The following SEMA3A variants were observed in gnomAD, a reference collection of about 807,000 sequenced individuals.
The protein encoded by SEMA3A is semaphorin-3A.
A neutral mutation model predicts 97.9 loss-of-function variants in SEMA3A; 29 were observed. The ratio of observed to expected loss-of-function variants is 0.30; its 90% CI spans 0.22 to 0.40. SEMA3A has a LOEUF of 0.40. Ranked by LOEUF, SEMA3A falls within the 10% of genes least tolerant of loss-of-function variation. The pLI, the probability that SEMA3A is intolerant of heterozygous loss-of-function variation, is 1.00. For missense variants in SEMA3A, 763 were observed against 951.3 expected, an observed-to-expected ratio of 0.80 and a Z score of 2.60; for synonymous variants, 321 against 323.7, an observed-to-expected ratio of 0.99 and a Z score of 0.09.
chr7:84,283,680 G>C (rs1358030194), intron 3 of SEMA3A, among the ~76,000 whole-genome samples: 1 of 151,972 alleles, frequency 6.6e-6, no homozygotes, highest in East Asian at 1.9e-4. Flanking sequence ...CATAGTAAAA[G>C]TGTTGTTAAA....
At position 84,341,883 on chromosome 7, in the gene SEMA3A, G is replaced by C. The variant is rs545030549; in HGVS notation, c.-169+29941C>G. 2.6e-5 allele frequency among the ~76,000 whole-genome samples: 4 copies of C among 151,682 alleles called. No individual in the cohort carries two copies. In the South Asian group the frequency reaches 8.3e-4, roughly 31 times the overall value. ...TTTTTAACTAAAATCTTCTGGTGCT[G>C]CTTTTAGGAGTTTATGCCCCTCACG... On this transcript the variant is annotated intron_variant, in intron 2 of 3. Coordinates refer to the SEMA3A transcript ENST00000424555.
Position 84,440,351 on chromosome 7 carries a change from T to G in SEMA3A, c.-246+52109A>C, listed in dbSNP as rs544004552. Among the ~76,000 whole-genome samples the G allele has an allele frequency of 6.4e-4, 98 of 152,304 alleles. 1 individual carries two copies. Among genetic ancestry groups the G allele is most frequent in the African/African-American group, 2.3e-3 (96 of 41,566 alleles). ...TATCAAGCAGCTGTCCACATGTTCC[T>G]GGTGCAGCTTGAACACAGCTTGTGG... On this transcript the variant is annotated intron_variant, in intron 1 of 3. Transcript: ENST00000424555.
chr7:84,074,416 A>C (rs1793865026), intron 4 of SEMA3A, among the ~76,000 whole-genome samples: 1 of 152,158 alleles, frequency 6.6e-6, no homozygotes. Context: ...GTGCTGAGGA[A>C]TTTAAAATAT....
chr7:84,067,223 A>G (rs1793546924), intron 4 of SEMA3A, among the ~76,000 whole-genome samples: 1 of 152,144 alleles, frequency 6.6e-6, no homozygotes, highest in Non-Finnish European at 1.5e-5. Flanking sequence ...AGCCATATGT[A>G]GAAAGCTGAA....
At chr7:84,062,542 GCA>G (rs1365508808) in intron 4 of SEMA3A, among the ~76,000 whole-genome samples, 1 of 152,218 alleles carries the variant, frequency 6.6e-6, no homozygotes, top group African/African-American at 2.4e-5. Context: ...GAGACAGTGG[GCA>G]TAGGTCAGTG....
intron 1 of SEMA3A, among the ~76,000 whole-genome samples, chr7:84,426,535 G>A (rs893373509): frequency 2.6e-5 from 4 of 152,036 alleles, no homozygotes; most frequent in Non-Finnish European, 4.4e-5. Flanking sequence ...CTGTTCTTCT[G>A]CCTTGAGGTA....
intron 3 of SEMA3A, among the ~76,000 whole-genome samples, chr7:84,112,278 C>T (rs1230778870): frequency 6.6e-6 from 1 of 152,158 alleles, no homozygotes; most frequent in Non-Finnish European, 1.5e-5. Context: ...GTTCCAGCAC[C>T]ATATGCTGAA....
At position 83,977,195 on chromosome 7, in the gene SEMA3A, G is replaced by A. The variant is rs557001005; in HGVS notation, c.1654C>T (p.Arg552Cys). ...CSRYFPTAKR[R>C]TRRQDIRNGD... ...TTTCTTATATCTTGTCGTCTTGTGCGTCTGAAGCAATTACATTTAAAAGGT... is the reference window on the plus strand; with the variant it reads ...TTTCTTATATCTTGTCGTCTTGTGCATCTGAAGCAATTACATTTAAAAGGT... Residue 552 changes from arginine to cysteine, a missense_variant and splice_region_variant, in exon 15 of 17, where the codon CGC (arginine) becomes TGC (cysteine). Transcript: ENST00000265362. The A allele has an allele frequency of 4.6e-5, 72 of 1,574,186 alleles. No homozygotes were observed. Among genetic ancestry groups the A allele is most frequent in the East Asian group, 4.1e-4 (18 of 43,430 alleles).
intron 9 of SEMA3A, among the ~76,000 whole-genome samples, chr7:84,008,133 C>T (rs1790738495): frequency 6.6e-6 from 1 of 152,062 alleles, no homozygotes; most frequent in South Asian, 2.1e-4. Context: ...TTTCACTAAA[C>T]AAAAATTTTG....
intron 3 of SEMA3A, among the ~76,000 whole-genome samples, chr7:84,249,888 G>A (rs932168142): frequency 2.0e-5 from 3 of 149,770 alleles, no homozygotes; most frequent in African/African-American, 4.9e-5. Context: ...AAAATAGGCT[G>A]TGCTTGCATA....
At chr7:84,146,700 A>G (rs1355022899) in intron 1 of SEMA3A, among the ~76,000 whole-genome samples, 1 of 152,226 alleles carries the variant, frequency 6.6e-6, no homozygotes, top group Non-Finnish European at 1.5e-5. Flanking sequence ...GTGTGAGATG[A>G]TTAGTCAGTA....
chr7:84,471,532 C>T (rs1386544129), intron 1 of SEMA3A, among the ~76,000 whole-genome samples: 1 of 151,946 alleles, frequency 6.6e-6, no homozygotes, highest in African/African-American at 2.4e-5. Flanking sequence ...AATCAAAAGA[C>T]CTTGAAATTT....
intron 3 of SEMA3A, among the ~76,000 whole-genome samples, chr7:84,244,489 C>T (rs1009088537): frequency 5.3e-5 from 8 of 152,130 alleles, no homozygotes; most frequent in African/African-American, 9.7e-5. Context: ...TGTCTGTGCA[C>T]ATGAGATGGG....
At chr7:84,287,860 T>C (rs969741893) in intron 3 of SEMA3A, among the ~76,000 whole-genome samples, 1 of 152,146 alleles carries the variant, frequency 6.6e-6, no homozygotes, top group Non-Finnish European at 1.5e-5. Context: ...GAAGGACTAT[T>C]TAATTTGACT....
chr7:84,393,492 T>C (rs1040180755), intron 1 of SEMA3A, among the ~76,000 whole-genome samples: 3 of 152,100 alleles, frequency 2.0e-5, no homozygotes, highest in African/African-American at 4.8e-5. Flanking sequence ...AGCATAAAAG[T>C]AGACACATTG....
intron 4 of SEMA3A, among the ~76,000 whole-genome samples, chr7:84,078,943 C>G: frequency 6.6e-6 from 1 of 152,012 alleles, no homozygotes. Flanking sequence ...CTTTTGCTAT[C>G]AGCTTAATCA....
intron 1 of SEMA3A, among the ~76,000 whole-genome samples, chr7:84,489,384 C>T (rs936886443): frequency 1.3e-5 from 2 of 152,072 alleles, no homozygotes; most frequent in Admixed American, 1.3e-4. Context: ...CTGCATGTCA[C>T]TAAGCAAGTC....
chr7:84,488,509 T>C (rs1397101128), intron 1 of SEMA3A, among the ~76,000 whole-genome samples: 1 of 151,698 alleles, frequency 6.6e-6, no homozygotes, highest in African/African-American at 2.4e-5. Context: ...CAGGCGGGAA[T>C]GTGTTTAGGT....
chr7:84,176,134 T>C (rs1210666643), intron 1 of SEMA3A, among the ~76,000 whole-genome samples: 2 of 152,172 alleles, frequency 1.3e-5, no homozygotes, highest in African/African-American at 4.8e-5. Context: ...TCTTGTTTCC[T>C]GGGGTTTATA....
Sources: allele counts gnomAD v4.1 joint callset (sites outside exome capture counted in the v4.1 genomes callset), GRCh38; gene constraint gnomAD v4.1.1; transcripts MANE v1.5; gene names NCBI Gene and HGNC (gene_info 2026-07-23, HGNC 2026-07-21).